Variants in PIEZO2 observed in about 807,000 individuals in gnomAD.
PIEZO2 encodes piezo type mechanosensitive ion channel component 2.
In PIEZO2, 172 loss-of-function variants were observed where a neutral mutation model predicts 337.3. The ratio of observed to expected loss-of-function variants is 0.51; its 90% confidence interval spans 0.45 to 0.58. The LOEUF is 0.58. Among genes scored for constraint, PIEZO2 ranks in the 20% least tolerant of loss-of-function variants. The pLI is 0.00. For missense variants in PIEZO2, 3,028 were observed against 3,391.3 expected, an observed-to-expected ratio of 0.89 and a Z score of 2.66; for synonymous variants, 1,251 against 1,228.5, an observed-to-expected ratio of 1.02 and a Z score of -0.38.
chr18:10,677,550 G>T lies in PIEZO2; in HGVS notation c.8081+197C>A. The T allele has an allele frequency of 1.8e-6, 1 of 550,306 alleles. No individual in the cohort carries two copies. Among genetic ancestry groups the T allele is most frequent in the Non-Finnish European group, 3.0e-6 (1 of 329,076 alleles). 34.1% of individuals were successfully genotyped at this position (550,306 alleles called of 1,614,324 possible). On this transcript the variant is annotated intron_variant, in intron 53 of 55. Transcript: ENST00000674853. The surrounding 1 kb of genome is among the most constrained non-coding windows in gnomAD (Gnocchi z 4.1). The stretch of plus-strand genomic sequence containing the variant: ...TCATTTGGAACATAGACATAACCCT[G>T]GGGACAGTGGACAGAAAACTCCATA...
Position 10,945,634 on chromosome 18 carries a change from T to C in PIEZO2, c.286+33901A>G, listed in dbSNP as rs1217697859. ...ACCCAACAAGGTAAAATTCACAAGC[T>C]AGGTATCCAATAAAAAATGACCACA... On this transcript the variant is annotated intron_variant, in intron 3 of 55. Coordinates refer to ENST00000674853, the MANE Select transcript of PIEZO2 (RefSeq NM_001378183.1). The surrounding 1 kb of genome is among the most constrained non-coding windows in gnomAD (Gnocchi z 4.0). Among the ~76,000 whole-genome samples the C allele has an allele frequency of 6.6e-6, 1 of 152,080 alleles. No homozygotes were observed. The highest frequency in any genetic ancestry group is 1.5e-5 in the Non-Finnish European group (1 of 68,020).
chr18:11,091,241 G>A (rs112423750), intron 1 of PIEZO2, among the ~76,000 whole-genome samples: 17,704 of 151,712 alleles, frequency 0.12, 1,921 homozygotes, highest in African/African-American at 0.29. Context: ...AAAATTAGCC[G>A]TGCATGGTGG....
intron 52 of PIEZO2, among the ~76,000 whole-genome samples, chr18:10,678,134 G>C (rs2034097226): frequency 6.6e-6 from 1 of 152,172 alleles, no homozygotes; most frequent in African/African-American, 2.4e-5. Flanking sequence ...CTGACCAAAA[G>C]AGAACCCATC....
chr18:10,885,372 C>G (rs1008674852), intron 4 of PIEZO2, among the ~76,000 whole-genome samples: 2 of 151,942 alleles, frequency 1.3e-5, no homozygotes, highest in Admixed American at 6.6e-5. Flanking sequence ...TGCAGTGAGC[C>G]GAGATTGAGC....
At chr18:11,057,705 G>C (rs2037781639) in intron 2 of PIEZO2, among the ~76,000 whole-genome samples, 1 of 152,144 alleles carries the variant, frequency 6.6e-6, no homozygotes, top group Non-Finnish European at 1.5e-5. Context: ...TCCACCACTG[G>C]TTGCTGCAAT....
In PIEZO2 at chr18:10,736,635, T is replaced by A. The variant is rs1397669413; in HGVS notation, c.4784A>T (p.Asp1595Val). ...TGCTGACCTTCGTGGAGGTTCTTCA[T>A]CTTCCTTCTTTAATTCTTCCTCTTC... is the stretch of plus-strand genomic sequence containing the variant. ...EEEEEELKKEDEEPPRRSAFQ... is the reference protein window; with the variant it reads ...EEEEEELKKEVEEPPRRSAFQ... The change falls in exon 34 of 56, where the codon GAT becomes GTT. Residue 1595 changes from aspartate to valine, a missense_variant. Physicochemically the swap from Asp to Val is radical, Grantham distance 152. Coordinates refer to ENST00000674853, the MANE Select transcript of PIEZO2 (RefSeq NM_001378183.1). The A allele has an allele frequency of 1.7e-5, 26 of 1,537,062 alleles. No individual in the cohort carries two copies. Among genetic ancestry groups the A allele is most frequent in the Non-Finnish European group, 2.1e-5 (24 of 1,146,860 alleles).
At position 11,025,382 on chromosome 18, in the gene PIEZO2, T is replaced by G. The variant is rs183174537; in HGVS notation, c.160+40745A>C. On this transcript the variant is annotated intron_variant, in intron 2 of 55. Coordinates refer to ENST00000674853, the MANE Select transcript of PIEZO2 (RefSeq NM_001378183.1). The stretch of plus-strand genomic sequence containing the variant: ...TTTTTGTTTGATGGGAAATGCTTAG[T>G]GTTTCCGTGAATTGCCTAGGGATGC... 3.9e-5 allele frequency among the ~76,000 whole-genome samples: 6 copies of G among 152,304 alleles called. No individual in the cohort carries two copies. In the East Asian group the frequency reaches 9.6e-4, roughly 24 times the overall value.
intron 2 of PIEZO2, among the ~76,000 whole-genome samples, chr18:11,034,520 C>G (rs1443480610): frequency 6.6e-6 from 1 of 152,102 alleles, no homozygotes; most frequent in Admixed American, 6.5e-5. Flanking sequence ...GTCTCGATCT[C>G]CTGACCTCGT....
intron 4 of PIEZO2, among the ~76,000 whole-genome samples, chr18:10,907,404 C>A (rs943744116): frequency 2.6e-5 from 4 of 151,320 alleles, no homozygotes; most frequent in Admixed American, 6.6e-5. Context: ...GATCACGCCG[C>A]TGCATTCCAG....
Position 10,934,929 on chromosome 18 carries a change from C to T in PIEZO2, c.287-23701G>A, listed in dbSNP as rs146054398. On this transcript the variant is annotated intron_variant, in intron 3 of 55. Coordinates refer to ENST00000674853, the MANE Select transcript of PIEZO2 (RefSeq NM_001378183.1). Reference sequence around the variant, plus strand: ...ACTATTACTATATCCACCTTACAGACGTGGCAACCGAGGCCACAGAGAGGT... The same window carrying T: ...ACTATTACTATATCCACCTTACAGATGTGGCAACCGAGGCCACAGAGAGGT... Among the ~76,000 whole-genome samples, 403 of 152,166 alleles carry T rather than the reference C, an allele frequency of 2.6e-3. 1 individual carries two copies. Among genetic ancestry groups the T allele is most frequent in the African/African-American group, 9.1e-3 (379 of 41,510 alleles).
chr18:10,863,877 C>T lies in PIEZO2; in HGVS notation c.493-6666G>A, dbSNP rs2041938749. 6.6e-6 allele frequency among the ~76,000 whole-genome samples: 1 copy of T among 152,166 alleles called. No homozygotes were observed. The highest frequency in any genetic ancestry group is 1.5e-5 in the Non-Finnish European group (1 of 68,014). ...ATCAAAACAAATCAGCAGTCACACA[C>T]ACACACACCTATATCATCCACTCAG... On this transcript the variant is annotated intron_variant, in intron 5 of 55. Transcript: ENST00000674853. This position sits in a 1 kb window ranked among gnomAD's most constrained non-coding sequence, Gnocchi z 4.3.
Position 10,914,095 on chromosome 18 carries a change from T to C in PIEZO2, c.287-2867A>G, listed in dbSNP as rs199563145. Reference sequence around the variant, plus strand: ...TTCTGGCAGCCCATTATTCAGTTGCTGGGGAATTCTTTTAAAGCCATTAAC... The same window carrying C: ...TTCTGGCAGCCCATTATTCAGTTGCCGGGGAATTCTTTTAAAGCCATTAAC... On this transcript the variant is annotated intron_variant, in intron 3 of 55. Coordinates refer to ENST00000674853, the MANE Select transcript of PIEZO2 (RefSeq NM_001378183.1). Among the ~76,000 whole-genome samples the C allele has an allele frequency of 5.3e-5, 8 of 152,276 alleles. No individual in the cohort carries two copies. In the East Asian group the frequency reaches 7.7e-4, roughly 15 times the overall value.
rs145135559 is a variant in PIEZO2 at position 10,982,652 on chromosome 18, G to A, written c.161-2992C>T. On this transcript the variant is annotated intron_variant, in intron 2 of 55. Transcript: ENST00000674853. This position sits in a 1 kb window ranked among gnomAD's most constrained non-coding sequence, Gnocchi z 4.1. ...GCCATGTAAATTTTGAAATTTTGAA[G>A]AATACGATCGAAAGTGGGTGAGGTT... Among the ~76,000 whole-genome samples, 1 of 152,202 alleles carries A rather than the reference G, an allele frequency of 6.6e-6. No homozygotes were observed. The highest frequency in any genetic ancestry group is 6.5e-5 in the Admixed American group (1 of 15,286).
rs1445522678 is a variant in PIEZO2 at position 10,770,327 on chromosome 18, A to G, written c.2786-19T>C. On this transcript the variant is annotated intron_variant, in intron 20 of 55. Coordinates refer to ENST00000674853, the MANE Select transcript of PIEZO2 (RefSeq NM_001378183.1). ...CTTAAGTCTGCAAAATAGGAAGTAC[A>G]GACAAGAGCATAACATTTTTAAAAA... 6.6e-7 allele frequency: 1 copy of G among 1,522,634 alleles called. No homozygotes were observed. The allele number at this position is 1,522,634 out of a possible 1,614,324, so 94.3% of individuals were successfully genotyped here. A position where few individuals can be genotyped will look rare whatever the true frequency, so the allele number is the denominator to read the frequency against.
chr18:11,071,363 G>A (rs1020866428), intron 1 of PIEZO2, among the ~76,000 whole-genome samples: 3 of 152,192 alleles, frequency 2.0e-5, no homozygotes, highest in Admixed American at 2.0e-4. Flanking sequence ...GAACATTGTA[G>A]AGACATTTGG....
In PIEZO2 at chr18:11,028,796, G is replaced by T. The variant is rs2036628403; in HGVS notation, c.160+37331C>A. On this transcript the variant is annotated intron_variant, in intron 2 of 55. Transcript: ENST00000674853. This position sits in a 1 kb window ranked among gnomAD's most constrained non-coding sequence, Gnocchi z 4.8. ...GCCATGGTGCTGTGCAGCTCATCAG[G>T]ATTAGTCTTTCTTGTGCTTGGTACT... 6.6e-6 allele frequency among the ~76,000 whole-genome samples: 1 copy of T among 152,124 alleles called. No homozygotes were observed. Among genetic ancestry groups the T allele is most frequent in the South Asian group, 2.1e-4 (1 of 4,818 alleles).
At chr18:10,800,520 G>T in intron 10 of PIEZO2, 45 bp from the exon 11 acceptor site, 2 of 1,486,872 alleles carry the variant, frequency 1.3e-6, no homozygotes, top group Non-Finnish European at 1.8e-6. Context: ...AGCAGCTCTG[G>T]GTTTTCAATG....
At chr18:11,010,434 C>A (rs1003733835) in intron 2 of PIEZO2, among the ~76,000 whole-genome samples, 1 of 152,164 alleles carries the variant, frequency 6.6e-6, no homozygotes, top group Non-Finnish European at 1.5e-5. Context: ...GACACCTAAT[C>A]ACACAATCCT....
chr18:10,791,359 C>T, intron 13 of PIEZO2, 35 bp from the exon 14 acceptor site: 1 of 1,465,408 alleles, frequency 6.8e-7, no homozygotes, highest in South Asian at 1.3e-5. Context: ...AAGAATTAAG[C>T]AACCATTTGG....
Sources: gnomAD v4.1 joint callset for allele counts (sites outside exome capture counted in the v4.1 genomes callset) on GRCh38, gnomAD v4.1.1 for gene constraint, Gnocchi (gnomAD v3.1) non-coding constraint, MANE v1.5 for transcripts, NCBI Gene and HGNC (gene_info 2026-07-23, HGNC 2026-07-21) for gene names.